The following UMAD1 variants were observed in gnomAD, a reference collection of about 807,000 sequenced individuals.
UMAD1 encodes the protein UBAP1-MVB12-associated (UMA)-domain containing protein 1.
A neutral mutation model predicts 6.1 loss-of-function variants in UMAD1; 8 were observed. That is an observed-to-expected ratio of 1.30 (90% CI 0.76 to 2.35). The LOEUF (loss-of-function observed/expected upper bound fraction) is 2.35, where lower values mean the gene tolerates loss of function less well. Ranked by LOEUF, UMAD1 falls within the 30% of genes most tolerant of loss-of-function variation. The pLI, the probability that UMAD1 is intolerant of heterozygous loss-of-function variation, is 0.00. For synonymous variants in UMAD1, 56 were observed against 31.4 expected, an observed-to-expected ratio of 1.78 and a Z score of -2.61; for missense variants, 130 against 78.4, an observed-to-expected ratio of 1.66 and a Z score of -2.49.
chr7:7,660,776 G>A (rs939229837), intron 1 of UMAD1, among the ~76,000 whole-genome samples: 3 of 151,724 alleles, frequency 2.0e-5, no homozygotes, highest in African/African-American at 4.8e-5. Context: ...GCAATTATGT[G>A]TCTTGAGGTT....
At chr7:7,642,036 CTA>C (rs1012311031) in intron 1 of UMAD1, among the ~76,000 whole-genome samples, 2 of 152,154 alleles carry the variant, frequency 1.3e-5, no homozygotes, top group African/African-American at 4.8e-5. Flanking sequence ...TCAGTAAAGT[CTA>C]TTTTATATTA....
intron 2 of UMAD1, among the ~76,000 whole-genome samples, chr7:7,782,479 G>A (rs781262164): frequency 1.3e-5 from 2 of 151,862 alleles, no homozygotes; most frequent in Non-Finnish European, 2.9e-5. Context: ...GTGTCTACAT[G>A]CTATTGCATA....
chr7:7,811,925 A>G (rs1051764219), intron 3 of UMAD1, among the ~76,000 whole-genome samples: 1 of 152,106 alleles, frequency 6.6e-6, no homozygotes, highest in Non-Finnish European at 1.5e-5. Context: ...TCTATAGGTA[A>G]TCTTGACTTA....
At chr7:7,750,105 C>G (rs1781649624) in intron 2 of UMAD1, among the ~76,000 whole-genome samples, 1 of 152,098 alleles carries the variant, frequency 6.6e-6, no homozygotes, top group Non-Finnish European at 1.5e-5. Flanking sequence ...TGGTCAATTG[C>G]AATTATAATA....
intron 2 of UMAD1, among the ~76,000 whole-genome samples, chr7:7,750,595 C>T (rs1337465673): frequency 6.6e-6 from 1 of 152,142 alleles, no homozygotes; most frequent in African/African-American, 2.4e-5. Context: ...ACATATACAA[C>T]ACTACTGTGT....
At chr7:7,810,732 A>T (rs1277188856) in intron 3 of UMAD1, among the ~76,000 whole-genome samples, 1 of 152,232 alleles carries the variant, frequency 6.6e-6, no homozygotes, top group East Asian at 1.9e-4. Flanking sequence ...TGATGAGGAA[A>T]CAACGTATTC....
intron 3 of UMAD1, among the ~76,000 whole-genome samples, chr7:7,874,752 A>T (rs538267931): frequency 1.8e-4 from 27 of 152,308 alleles, no homozygotes; most frequent in African/African-American, 6.3e-4. Context: ...TAAAAAACAA[A>T]ACCAGGTAAA....
chr7:7,662,140 A>C (rs1785489826), intron 1 of UMAD1, among the ~76,000 whole-genome samples: 1 of 152,074 alleles, frequency 6.6e-6, no homozygotes, highest in Non-Finnish European at 1.5e-5. Context: ...AAGCCTCAGT[A>C]ATGGCAGATG....
At chr7:7,682,177 C>A (rs1189644353) in intron 2 of UMAD1, among the ~76,000 whole-genome samples, 1 of 152,134 alleles carries the variant, frequency 6.6e-6, no homozygotes, top group Non-Finnish European at 1.5e-5. Flanking sequence ...ATAAGAACTT[C>A]TAGTTTCCAT....
At chr7:7,750,032 C>G (rs981117195) in intron 2 of UMAD1, among the ~76,000 whole-genome samples, 173 of 152,202 alleles carry the variant, frequency 1.1e-3, no homozygotes, top group African/African-American at 3.8e-3. Flanking sequence ...CTTAATTATA[C>G]TGCTAGAATG....
intron 2 of UMAD1, among the ~76,000 whole-genome samples, chr7:7,713,007 A>G (rs17547731): frequency 0.14 from 21,537 of 151,974 alleles, 1,906 homozygotes; most frequent in Middle Eastern, 0.2. Flanking sequence ...TATTGTGTCA[A>G]TTTGGTAAGA....
chr7:7,855,594 C>T (rs181583666), intron 3 of UMAD1, among the ~76,000 whole-genome samples: 30 of 152,326 alleles, frequency 2.0e-4, no homozygotes, highest in Non-Finnish European at 2.8e-4. Context: ...GGGCCCTAGA[C>T]CCAGCCCAGG....
chr7:7,857,779 CA>C (rs1563264730), intron 3 of UMAD1, among the ~76,000 whole-genome samples: 1 of 152,164 alleles, frequency 6.6e-6, no homozygotes, highest in East Asian at 1.9e-4. Context: ...CAACAGCCAA[CA>C]ATGTTTTTCC....
intron 3 of UMAD1, among the ~76,000 whole-genome samples, chr7:7,814,253 G>C (rs557544507): frequency 1.3e-5 from 2 of 152,236 alleles, no homozygotes; most frequent in African/African-American, 2.4e-5. Flanking sequence ...TGAAGTGCTG[G>C]GATTACAGGC....
At chr7:7,717,500 A>G (rs976077419) in intron 2 of UMAD1, among the ~76,000 whole-genome samples, 3 of 152,342 alleles carry the variant, frequency 2.0e-5, no homozygotes, top group South Asian at 2.1e-4. Context: ...ACTTTATTAA[A>G]TGAATATGAT....
At chr7:7,858,378 C>T (rs1386778983) in intron 3 of UMAD1, among the ~76,000 whole-genome samples, 1 of 152,176 alleles carries the variant, frequency 6.6e-6, no homozygotes, top group African/African-American at 2.4e-5. Flanking sequence ...ATTATCAACT[C>T]ACCTGCAAAG....
At chr7:7,865,307 C>T (rs1034150706) in intron 3 of UMAD1, among the ~76,000 whole-genome samples, 4 of 152,036 alleles carry the variant, frequency 2.6e-5, no homozygotes, top group East Asian at 1.9e-4. Flanking sequence ...AGGAAGTTAG[C>T]GTTGGAATTG....
At chr7:7,733,947 A>G (rs2115194963) in intron 2 of UMAD1, among the ~76,000 whole-genome samples, 1 of 152,170 alleles carries the variant, frequency 6.6e-6, no homozygotes, top group South Asian at 2.1e-4. Flanking sequence ...TGAGATTTTA[A>G]TTTCCTTGGA....
At chr7:7,750,557 T>A (rs753980544) in intron 2 of UMAD1, among the ~76,000 whole-genome samples, 11 of 152,314 alleles carry the variant, frequency 7.2e-5, no homozygotes, top group South Asian at 2.1e-4. Context: ...TTATACACGG[T>A]TTCATATTTT....
Sources: gnomAD v4.1 joint callset for allele counts (sites outside exome capture counted in the v4.1 genomes callset) on GRCh38, gnomAD v4.1.1 for gene constraint, MANE v1.5 for transcripts, NCBI Gene and HGNC (gene_info 2026-07-23, HGNC 2026-07-21) for gene names.